Variants in ROBO1 observed in about 807,000 individuals in gnomAD.
ROBO1 encodes roundabout guidance receptor 1.
A neutral mutation model predicts 195.9 loss-of-function variants in ROBO1; 149 were observed. The ratio of observed to expected loss-of-function variants is 0.76; its 90% CI spans 0.67 to 0.87. The LOEUF (loss-of-function observed/expected upper bound fraction) is 0.87. Ranked by LOEUF, ROBO1 falls within the 40% of genes least tolerant of loss-of-function variation. The probability of loss-of-function intolerance (pLI) is 0.00; values close to 1 mark genes in which losing one functional copy is unlikely to be tolerated. For missense variants in ROBO1, 1,933 were observed against 2,068.3 expected, an observed-to-expected ratio of 0.93 and a Z score of 1.27; for synonymous variants, 816 against 733.2, an observed-to-expected ratio of 1.11 and a Z score of -1.82.
rs2108340452 is a variant in ROBO1 at position 78,756,911 on chromosome 3, T to C, written c.500-10011A>G. 1.3e-5 allele frequency among the ~76,000 whole-genome samples: 2 copies of C among 152,136 alleles called. 1 individual carries two copies. The highest frequency in any genetic ancestry group is 4.8e-5 in the African/African-American group (2 of 41,506). ...TTTTTATTTTATTTTTTTGAGATAGTTTCACTCTTGTCACCCAGGCTGAAA... is the reference window on the plus strand; with the variant it reads ...TTTTTATTTTATTTTTTTGAGATAGCTTCACTCTTGTCACCCAGGCTGAAA... On this transcript the variant is annotated intron_variant, in intron 4 of 30. Transcript: ENST00000464233.
intron 3 of ROBO1, among the ~76,000 whole-genome samples, chr3:79,055,893 G>T (rs1239638539): frequency 6.6e-6 from 1 of 152,008 alleles, no homozygotes; most frequent in Admixed American, 6.6e-5. Context: ...AAAACTGGAG[G>T]TTTTCACTCA....
intron 1 of ROBO1, among the ~76,000 whole-genome samples, chr3:79,675,292 T>C (rs1214064042): frequency 6.6e-6 from 1 of 152,020 alleles, no homozygotes; most frequent in African/African-American, 2.4e-5. Context: ...ATGATTGCAT[T>C]AGTTTAGTGT....
chr3:79,536,822 A>T (rs1040314778), intron 2 of ROBO1, among the ~76,000 whole-genome samples: 1 of 152,158 alleles, frequency 6.6e-6, no homozygotes, highest in Non-Finnish European at 1.5e-5. Context: ...CCAAAATTTG[A>T]CTTTGCTCTT....
chr3:78,714,609 A>T, intron 7 of ROBO1, 85 bp from the exon 8 acceptor site: 1 of 1,225,774 alleles, frequency 8.2e-7, no homozygotes, highest in African/African-American at 1.5e-5. Flanking sequence ...TTCAAAGCAC[A>T]TGCTACATTC....
At chr3:79,172,667 T>G (rs999108034) in intron 2 of ROBO1, among the ~76,000 whole-genome samples, 4 of 152,140 alleles carry the variant, frequency 2.6e-5, no homozygotes, top group Non-Finnish European at 5.9e-5. Context: ...TTTTTTTTTT[T>G]GGATCCTGAA....
rs552589803 is a variant in ROBO1 at position 79,632,169 on chromosome 3, A to G, written c.-50-42208T>C. On this transcript the variant is annotated intron_variant, in intron 1 of 30. Transcript: ENST00000464233. ...TAAAAGAAAACATTATATCGAAAAG[A>G]CATCTGCACTTAATGTGTTTTTGTA... 3.0e-4 allele frequency among the ~76,000 whole-genome samples: 46 copies of G among 152,278 alleles called. No individual in the cohort carries two copies. In the South Asian group the frequency reaches 8.9e-3, roughly 30 times the overall value.
rs568070590 is a variant in ROBO1, at chr3:79,551,200, T to C, written c.88+38624A>G. The stretch of plus-strand genomic sequence containing the variant: ...ACTTTTTTTTAAATTTTAATTTTAT[T>C]ATTATTATACTTTAAGTTTTGGGGT... On this transcript the variant is annotated intron_variant, in intron 2 of 30. Coordinates refer to ENST00000464233, the MANE Select transcript of ROBO1 (RefSeq NM_002941.4). 3.3e-3 allele frequency among the ~76,000 whole-genome samples: 495 copies of C among 152,084 alleles called. 2 individuals carry two copies. The highest frequency in any genetic ancestry group is 5.5e-3 in the Non-Finnish European group (372 of 67,996).
chr3:79,092,366 C>T (rs746635457), intron 3 of ROBO1, among the ~76,000 whole-genome samples: 1 of 151,912 alleles, frequency 6.6e-6, no homozygotes, highest in Admixed American at 6.6e-5. Flanking sequence ...TTTTGAGAAG[C>T]CTTAGATGTC....
intron 4 of ROBO1, among the ~76,000 whole-genome samples, chr3:78,750,970 T>C (rs1487203820): frequency 6.6e-6 from 1 of 152,184 alleles, no homozygotes; most frequent in African/African-American, 2.4e-5. Context: ...CACGTGACTA[T>C]TGTAATGTAA....
intron 4 of ROBO1, among the ~76,000 whole-genome samples, chr3:78,912,657 T>C (rs539357791): frequency 6.6e-6 from 1 of 152,252 alleles, no homozygotes; most frequent in Admixed American, 6.5e-5. Flanking sequence ...ATATCATCAA[T>C]TTTAGCTAAA....
intron 1 of ROBO1, among the ~76,000 whole-genome samples, chr3:79,746,528 G>A (rs1703883621): frequency 6.6e-6 from 1 of 151,952 alleles, no homozygotes; most frequent in Admixed American, 6.6e-5. Context: ...TAATTTCAAT[G>A]ACCAATTTAT....
In ROBO1 at chr3:79,447,075, C is replaced by T. The variant is rs145407991; in HGVS notation, c.88+142749G>A. On this transcript the variant is annotated intron_variant, in intron 2 of 30. Transcript: ENST00000464233. ...CGAACTCCTGACCTTGTGATCCGTCCGCCTTGGCCTCCCAAAGTGCTGGGA... is the reference window on the plus strand; with the variant it reads ...CGAACTCCTGACCTTGTGATCCGTCTGCCTTGGCCTCCCAAAGTGCTGGGA... Among the ~76,000 whole-genome samples, 181 of 152,032 alleles carry T rather than the reference C, an allele frequency of 1.2e-3. 2 individuals are homozygous for T. In the East Asian group the frequency reaches 0.023, roughly 19 times the overall value.
intron 2 of ROBO1, among the ~76,000 whole-genome samples, chr3:79,478,317 G>C (rs1938648444): frequency 6.6e-6 from 1 of 152,038 alleles, no homozygotes; most frequent in Non-Finnish European, 1.5e-5. Flanking sequence ...ATTCTAGATG[G>C]AAAGCATTCA....
chr3:79,672,839 C>G (rs1428805942), intron 1 of ROBO1, among the ~76,000 whole-genome samples: 1 of 151,956 alleles, frequency 6.6e-6, no homozygotes, highest in African/African-American at 2.4e-5. Flanking sequence ...CTGGGCCCAT[C>G]TGTGAGGAGA....
rs1184640462 is a variant in ROBO1 at position 79,304,407 on chromosome 3, G to T, written c.89-178868C>A. On this transcript the variant is annotated intron_variant, in intron 2 of 30. Coordinates refer to ENST00000464233, the MANE Select transcript of ROBO1 (RefSeq NM_002941.4). ...CTGCAATAGACTGCGGCTATTTAAA[G>T]TGTGTAATTTGATAGGTTTATACAT... Among the ~76,000 whole-genome samples, 5 of 152,266 alleles carry T rather than the reference G, an allele frequency of 3.3e-5. No homozygotes were observed. The East Asian group carries it at 9.7e-4, about 29-fold the overall frequency.
intron 8 of ROBO1, among the ~76,000 whole-genome samples, chr3:78,696,227 C>T (rs1388881707): frequency 2.0e-5 from 3 of 151,720 alleles, no homozygotes; most frequent in African/African-American, 7.3e-5. Flanking sequence ...CTTCTCATAG[C>T]CCTTCTCAAC....
intron 23 of ROBO1, among the ~76,000 whole-genome samples, chr3:78,634,778 C>A (rs1467650567): frequency 6.6e-6 from 1 of 152,146 alleles, no homozygotes; most frequent in Non-Finnish European, 1.5e-5. Context: ...TTATACCAAT[C>A]AAGTACTTTC....
At chr3:79,003,062 G>C (rs1203403142) in intron 3 of ROBO1, among the ~76,000 whole-genome samples, 4 of 152,122 alleles carry the variant, frequency 2.6e-5, no homozygotes, top group African/African-American at 4.8e-5. Context: ...AATCCTCTTA[G>C]AAGCATTAAC....
chr3:79,144,288 G>A (rs1369022456), intron 2 of ROBO1, among the ~76,000 whole-genome samples: 1 of 152,024 alleles, frequency 6.6e-6, no homozygotes, highest in Non-Finnish European at 1.5e-5. Context: ...CTCACAATCA[G>A]CCAATCAGAT....
Sources: gnomAD v4.1 joint callset for allele counts (sites outside exome capture counted in the v4.1 genomes callset) on GRCh38, gnomAD v4.1.1 for gene constraint, MANE v1.5 for transcripts, NCBI Gene and HGNC (gene_info 2026-07-23, HGNC 2026-07-21) for gene names.